MTMR9: variants seen among roughly 807,000 people sequenced by gnomAD.
MTMR9 encodes the protein myotubularin-related protein 9.
Under a neutral mutation model 69.5 loss-of-function variants are expected in MTMR9, and 39 were observed. That is an observed-to-expected ratio of 0.56 (90% confidence interval 0.43 to 0.73). The LOEUF (loss-of-function observed/expected upper bound fraction) is 0.73. MTMR9 is among the 30% of genes least tolerant of loss of function. The probability of loss-of-function intolerance (pLI) is 0.00; values close to 1 mark genes in which losing one functional copy is unlikely to be tolerated. For synonymous variants in MTMR9, 354 were observed against 240.8 expected (o/e 1.47, Z -4.35); for missense variants, 900 against 671.2 (o/e 1.34, Z -3.77).
At chr8:11,294,518 T>TTTTTTTTTTTTTA (rs1799480036) in intron 1 of MTMR9, among the ~76,000 whole-genome samples, 1 of 129,400 alleles carries the variant, frequency 7.7e-6, no homozygotes, top group African/African-American at 2.8e-5. Flanking sequence ...TTTTTTTTTT[T>TTTTTTTTTTTTTA]GAGACAGAGT....
chr8:11,326,152 T>C lies in MTMR9; in HGVS notation c.*3364T>C, dbSNP rs186007600. ...CTCAAGTGAAAAACAGGAGTAATGT[T>C]TCGTTGCACTTTGAAAGATCTGCTT... is the stretch of plus-strand genomic sequence containing the variant. On this transcript the variant is annotated 3_prime_UTR_variant, in exon 10 of 10. Coordinates refer to ENST00000221086, the MANE Select transcript of MTMR9 (RefSeq NM_015458.4). The C allele has an allele frequency of 9.2e-4, 140 of 152,366 alleles. 1 individual carries two copies. The highest frequency in any genetic ancestry group is 6.8e-3 in the Middle Eastern group (2 of 294). The allele number at this position is 152,366 out of a possible 1,614,324, so 9.4% of individuals were successfully genotyped here.
chr8:11,335,656 A>G, the MTMR9 span, among the ~76,000 whole-genome samples: 1 of 152,244 alleles, frequency 6.6e-6, no homozygotes, highest in South Asian at 2.1e-4. Flanking sequence ...AAGATTTATT[A>G]TAAAGCCACG....
At chr8:11,338,949 A>G in the MTMR9 span, among the ~76,000 whole-genome samples, 1 of 152,208 alleles carries the variant, frequency 6.6e-6, no homozygotes, top group African/African-American at 2.4e-5. Context: ...TAGATATAAC[A>G]TCTGAACTGA....
At chr8:11,298,322 C>T (rs1416651184) in intron 2 of MTMR9, among the ~76,000 whole-genome samples, 12 of 151,982 alleles carry the variant, frequency 7.9e-5, no homozygotes, top group Admixed American at 7.2e-4. Flanking sequence ...GACATGGACG[C>T]TGGCTGTTCT....
chr8:11,319,576 C>G (rs1407340686), intron 8 of MTMR9, 111 bp from the exon 9 acceptor site: 1 of 1,133,912 alleles, frequency 8.8e-7, no homozygotes, highest in Non-Finnish European at 1.3e-6. Context: ...TACCAAAAGT[C>G]TTGTATTCTA....
intron 8 of MTMR9, 149 bp from the exon 9 acceptor site, chr8:11,319,538 C>G (rs1800575019): frequency 1.3e-6 from 1 of 759,422 alleles, no homozygotes; most frequent in Non-Finnish European, 2.1e-6. Flanking sequence ...TTTGACAAAT[C>G]TATTGATTTT....
chr8:11,329,591 T>C (rs1801113376), downstream of MTMR9, among the ~76,000 whole-genome samples: 1 of 152,252 alleles, frequency 6.6e-6, no homozygotes, highest in South Asian at 2.1e-4. Flanking sequence ...GCCGGGATTG[T>C]AGACGGAGTC....
At position 11,285,022 on chromosome 8, in the gene MTMR9, C is replaced by G; in HGVS notation, c.134C>G (p.Thr45Arg). The change falls in exon 1 of 10, where the codon ACG becomes AGG. Residue 45 changes from threonine to arginine, a missense_variant. Physicochemically the swap from Thr to Arg is moderately conservative, Grantham distance 71. Coordinates refer to ENST00000221086, the MANE Select transcript of MTMR9 (RefSeq NM_015458.4). ...ATCCTGTCCTCCCGGCAGGACAATA[C>G]GGAGGAGCTGTGGCTCCTCCATTCA... is the stretch of plus-strand genomic sequence containing the variant. ...HLILSSRQDN[T>R]EELWLLHSNI... 3 of 1,613,058 alleles carry G rather than the reference C, an allele frequency of 1.9e-6. No homozygotes were observed. The highest frequency in any genetic ancestry group is 2.2e-5 in the South Asian group (2 of 90,850).
At position 11,293,312 on chromosome 8, in the gene MTMR9, A is replaced by G. The variant is rs146648410; in HGVS notation, c.183-1882A>G. The stretch of plus-strand genomic sequence containing the variant: ...AAGGAAAATATTTTTGTACAGCTGT[A>G]TGGTGTGTTGTATTTTCAGCTTAGT... On this transcript the variant is annotated intron_variant, in intron 1 of 9. Transcript: ENST00000221086. 4.3e-3 allele frequency among the ~76,000 whole-genome samples: 657 copies of G among 152,354 alleles called. 5 individuals carry two copies. The highest frequency in any genetic ancestry group is 0.015 in the African/African-American group (636 of 41,594).
chr8:11,305,036 T>C (rs1210435096), intron 4 of MTMR9, 22 bp downstream of exon 4: 1 of 1,608,174 alleles, frequency 6.2e-7, no homozygotes, highest in South Asian at 1.1e-5. Context: ...GCACTACTGC[T>C]TGATGTACTG....
At chr8:11,316,074 A>T (rs1366164557) in intron 7 of MTMR9, 1 of 152,100 alleles carries the variant, frequency 6.6e-6, no homozygotes, top group Non-Finnish European at 1.5e-5. Flanking sequence ...TAGATGGCAG[A>T]CTCTTGCTGT....
chr8:11,319,804 T>C lies in MTMR9; in HGVS notation c.1452T>C (p.Pro484=). The C allele has an allele frequency of 1.2e-6, 2 of 1,614,168 alleles. No individual in the cohort carries two copies. Among genetic ancestry groups the C allele is most frequent in the Non-Finnish European group, 1.7e-6 (2 of 1,180,012 alleles). ...LFEANNLVIW[P]SVAPQSLPLW... is the part of the protein sequence containing the mutation. ...AAGCCAACAACCTTGTCATCTGGCC[T>C]TCAGTTGCTCCGCAGAGTCTTCCAC... Residue 484 remains proline, a synonymous_variant, in exon 9 of 10, where the codon CCT becomes CCC. Transcript: ENST00000221086.
At chr8:11,335,955 CAATT>C in the MTMR9 span, among the ~76,000 whole-genome samples, 2 of 152,172 alleles carry the variant, frequency 1.3e-5, no homozygotes, top group African/African-American at 2.4e-5. Context: ...GGGGAGGACA[CAATT>C]AAACTCACAA....
rs899719710 is a variant in MTMR9 at position 11,324,054 on chromosome 8, G to A, written c.*1266G>A. 2.6e-5 allele frequency: 4 copies of A among 152,102 alleles called. No homozygotes were observed. Among genetic ancestry groups the A allele is most frequent in the African/African-American group, 9.7e-5 (4 of 41,428 alleles). 9.4% of individuals were successfully genotyped at this position (152,102 alleles called of 1,614,324 possible). On this transcript the variant is annotated 3_prime_UTR_variant, in exon 10 of 10. Transcript: ENST00000221086. ...TGACATTGCTCATTTTAACAAATAT[G>A]ACCGAGTCTAGTTTTTCTTTAAAAG...
Position 11,284,865 on chromosome 8 carries a change from C to G in MTMR9, c.-24C>G. 6.5e-7 allele frequency: 1 copy of G among 1,540,964 alleles called. No individual in the cohort carries two copies. Among genetic ancestry groups the G allele is most frequent in the Non-Finnish European group, 8.7e-7 (1 of 1,151,818 alleles). On this transcript the variant is annotated 5_prime_UTR_variant, in exon 1 of 10. Coordinates refer to ENST00000221086, the MANE Select transcript of MTMR9 (RefSeq NM_015458.4). ...CGCCTCGCACCTACCGGGCTCGGTT[C>G]CCTGGCTCCGGCCGCGGGGGAGCAT...
chr8:11,329,776 T>A (rs1801121359), downstream of MTMR9, among the ~76,000 whole-genome samples: 1 of 143,760 alleles, frequency 7.0e-6, no homozygotes. Flanking sequence ...TGGCCACCCA[T>A]CGTCTGGGAT....
rs147621232 is a variant in MTMR9, at chr8:11,298,417, A to T, written c.292-1606A>T. On this transcript the variant is annotated intron_variant, in intron 2 of 9. Transcript: ENST00000221086. ...TATATATTTATATGGATAATGGATT[A>T]TACAGCCATGCTTCTCTATATTTTG... 1.4e-3 allele frequency among the ~76,000 whole-genome samples: 217 copies of T among 152,232 alleles called. 7 individuals carry two copies. In the East Asian group the frequency reaches 0.039, roughly 27 times the overall value.
chr8:11,331,335 T>C, downstream of MTMR9: 1 of 1,613,994 alleles, frequency 6.2e-7, no homozygotes, highest in Admixed American at 1.7e-5. Context: ...CATCTGTCGA[T>C]GCCTCTTCCA....
chr8:11,289,393 A>C (rs2117351608), intron 1 of MTMR9, among the ~76,000 whole-genome samples: 1 of 152,362 alleles, frequency 6.6e-6, no homozygotes, highest in East Asian at 1.9e-4. Context: ...ATGCTTCACA[A>C]GTCTGTGGAA....
Sources: gnomAD v4.1 joint callset for allele counts (sites outside exome capture counted in the v4.1 genomes callset) on GRCh38, gnomAD v4.1.1 for gene constraint, MANE v1.5 for transcripts, NCBI Gene and HGNC (gene_info 2026-07-23, HGNC 2026-07-21) for gene names.